Variants in PPIP5K2 observed in about 807,000 individuals in gnomAD.
PPIP5K2 encodes the protein diphosphoinositol pentakisphosphate kinase 2, also known as inositol hexakisphosphate and diphosphoinositol-pentakisphosphate kinase 2.
Under a neutral mutation model 154.6 loss-of-function variants are expected in PPIP5K2, and 105 were observed. The observed-to-expected ratio is 0.68, with a 90% CI of 0.58 to 0.80. The LOEUF (loss-of-function observed/expected upper bound fraction) is 0.80. Ranked by LOEUF, PPIP5K2 falls within the 30% of genes least tolerant of loss-of-function variation. The probability of loss-of-function intolerance (pLI) is 0.00; values close to 1 mark genes in which losing one functional copy is unlikely to be tolerated. For synonymous variants in PPIP5K2, 480 were observed against 490.3 expected (o/e 0.98, Z 0.28); for missense variants, 992 against 1,504.6 (o/e 0.66, Z 5.64).
intron 21 of PPIP5K2, chr5:103,176,764 T>G: frequency 1.7e-6 from 1 of 580,636 alleles, no homozygotes; most frequent in Non-Finnish European, 2.9e-6. Context: ...TTACTTTGAG[T>G]AGTTTTGCCT....
At chr5:103,167,401 G>C in intron 18 of PPIP5K2, 81 bp downstream of exon 18, 1 of 1,209,428 alleles carries the variant, frequency 8.3e-7, no homozygotes, top group Non-Finnish European at 1.1e-6. Flanking sequence ...CACCAATCTT[G>C]TTGTAAGAAA....
At chr5:103,194,553 T>G (rs1430217365) in intron 29 of PPIP5K2, among the ~76,000 whole-genome samples, 3 of 152,176 alleles carry the variant, frequency 2.0e-5, no homozygotes, top group Non-Finnish European at 2.9e-5. Flanking sequence ...GGATTACTGA[T>G]TCTGTTACCA....
chr5:103,149,886 G>A (rs1794360048), intron 8 of PPIP5K2, among the ~76,000 whole-genome samples: 1 of 151,588 alleles, frequency 6.6e-6, no homozygotes, highest in Non-Finnish European at 1.5e-5. Context: ...TAGTAGAGAG[G>A]GGGTTTCTCC....
intron 4 of PPIP5K2, 57 bp downstream of exon 4, chr5:103,136,879 T>A: frequency 8.4e-7 from 1 of 1,194,768 alleles, no homozygotes; most frequent in Non-Finnish European, 1.2e-6. Context: ...ATTTAGTACC[T>A]ACTGTACACT....
chr5:103,148,095 GTAGT>G, intron 7 of PPIP5K2, 63 bp downstream of exon 7: 1 of 1,171,410 alleles, frequency 8.5e-7, no homozygotes, highest in Non-Finnish European at 1.3e-6. Context: ...ATCAGAAAAA[GTAGT>G]TAATCTTTAG....
intron 21 of PPIP5K2, among the ~76,000 whole-genome samples, chr5:103,175,024 C>T (rs1798495021): frequency 6.6e-6 from 1 of 152,068 alleles, no homozygotes; most frequent in Non-Finnish European, 1.5e-5. Flanking sequence ...AATCAGTCAT[C>T]TCTAAACTAG....
At position 103,129,380 on chromosome 5, in the gene PPIP5K2, T is replaced by G; in HGVS notation, c.-210T>G. On this transcript the variant is annotated 5_prime_UTR_variant, in exon 2 of 31. Transcript: ENST00000358359. ...TGTATTTTGAATTGCAACAACAACT[T>G]TGATATCAACAATGAAGCAATGATA... The G allele has an allele frequency of 3.0e-6, 1 of 328,476 alleles. No individual in the cohort carries two copies. The highest frequency in any genetic ancestry group is 5.5e-6 in the Non-Finnish European group (1 of 180,824). The allele number at this position is 328,476 out of a possible 1,614,324, so 20.3% of individuals were successfully genotyped here.
At chr5:103,142,962 A>G (rs1183380231) in intron 5 of PPIP5K2, among the ~76,000 whole-genome samples, 2 of 152,188 alleles carry the variant, frequency 1.3e-5, no homozygotes, top group African/African-American at 4.8e-5. Flanking sequence ...TTACGAGTAT[A>G]GAAACATAAA....
At chr5:103,154,038 T>C in intron 11 of PPIP5K2, 104 bp downstream of exon 11, 1 of 781,988 alleles carries the variant, frequency 1.3e-6, no homozygotes, top group East Asian at 3.1e-5. Context: ...AACTTTTATC[T>C]ACTGTCTCTT....
intron 21 of PPIP5K2, among the ~76,000 whole-genome samples, chr5:103,176,477 G>GCA (rs1480201622): frequency 2.6e-5 from 4 of 151,390 alleles, no homozygotes; most frequent in Non-Finnish European, 4.4e-5. Flanking sequence ...ATGCATGTGC[G>GCA]CACACACACA....
chr5:103,147,445 G>A, intron 6 of PPIP5K2, among the ~76,000 whole-genome samples: 1 of 151,912 alleles, frequency 6.6e-6, no homozygotes, highest in Non-Finnish European at 1.5e-5. Flanking sequence ...AGTTGCATAT[G>A]AGCACATTCT....
chr5:103,141,498 C>T (rs1161411338), intron 5 of PPIP5K2, among the ~76,000 whole-genome samples: 4 of 152,174 alleles, frequency 2.6e-5, no homozygotes, highest in African/African-American at 9.7e-5. Flanking sequence ...CTTTTATTCT[C>T]TTATCTGGCC....
Position 103,151,507 on chromosome 5 carries a change from A to G in PPIP5K2, c.1028+133A>G, listed in dbSNP as rs1005193599. 3.7e-5 allele frequency: 25 copies of G among 681,718 alleles called. No individual in the cohort carries two copies. In the South Asian group the frequency reaches 5.0e-4, roughly 14 times the overall value. 42.2% of individuals were successfully genotyped at this position (681,718 alleles called of 1,614,324 possible). ...TCAGTGTTCATAAAATGATACCCCC[A>G]GAGACTATGCCAGATCCTGAATTAT... On this transcript the variant is annotated intron_variant, in intron 9 of 30. Transcript: ENST00000358359.
At position 103,148,038 on chromosome 5, in the gene PPIP5K2, A is replaced by G. The variant is rs1794018605; in HGVS notation, c.744+6A>G. On this transcript the variant is annotated splice_donor_region_variant and intron_variant, in intron 7 of 30. Coordinates refer to ENST00000358359, the MANE Select transcript of PPIP5K2 (RefSeq NM_001276277.3). ...CAGATGGTACTGATGTTAAGGTAGGATTGATTAAAATAGATTTTAGTTTTA... is the reference window on the plus strand; with the variant it reads ...CAGATGGTACTGATGTTAAGGTAGGGTTGATTAAAATAGATTTTAGTTTTA... 6.6e-7 allele frequency: 1 copy of G among 1,519,276 alleles called. No homozygotes were observed. The highest frequency in any genetic ancestry group is 1.9e-5 in the Admixed American group (1 of 52,488). The allele number at this position is 1,519,276 out of a possible 1,614,324, so 94.1% of individuals were successfully genotyped here.
In PPIP5K2 at chr5:103,166,243, T is replaced by C. The variant is rs2149664714; in HGVS notation, c.1921-936T>C. Among the ~76,000 whole-genome samples the C allele has an allele frequency of 2.0e-5, 3 of 152,156 alleles. 1 individual carries two copies. In the South Asian group the frequency reaches 6.2e-4, roughly 32 times the overall value. The stretch of plus-strand genomic sequence containing the variant: ...GCTAAAAAGCAATAACATCTGCTTA[T>C]TATGAGATTGTTTTGAGAGAGTTAG... On this transcript the variant is annotated intron_variant, in intron 17 of 30. Coordinates refer to ENST00000358359, the MANE Select transcript of PPIP5K2 (RefSeq NM_001276277.3).
At position 103,202,456 on chromosome 5, in the gene PPIP5K2, G is replaced by C. The variant is rs1803159304; in HGVS notation, c.*822G>C. The C allele has an allele frequency of 6.6e-6, 1 of 152,074 alleles. No homozygotes were observed. The allele number at this position is 152,074 out of a possible 1,614,324, so 9.4% of individuals were successfully genotyped here. A position where few individuals can be genotyped will look rare whatever the true frequency, so the allele number is the denominator to read the frequency against. On this transcript the variant is annotated 3_prime_UTR_variant, in exon 31 of 31. Transcript: ENST00000358359. Reference sequence around the variant, plus strand: ...TTTCAGAGTTCTTTTTAGATCTAAAGAAGTCAGTTCAAAAATGGAAATCAA... The same window carrying C: ...TTTCAGAGTTCTTTTTAGATCTAAACAAGTCAGTTCAAAAATGGAAATCAA...
intron 17 of PPIP5K2, among the ~76,000 whole-genome samples, chr5:103,164,185 T>C (rs1554217001): frequency 6.6e-6 from 1 of 151,954 alleles, no homozygotes; most frequent in African/African-American, 2.4e-5. Flanking sequence ...CATAATTTCT[T>C]TGTAATTTGT....
At chr5:103,120,715 C>T in intron 1 of PPIP5K2, 2 of 321,706 alleles carry the variant, frequency 6.2e-6, no homozygotes, top group Non-Finnish European at 1.3e-5. Context: ...CATGGCTTCC[C>T]TTTTTCATTT....
At position 103,209,676 on chromosome 5, in the gene PPIP5K2, C is replaced by T. The variant is rs1166700975; in HGVS notation, c.*8042C>T. ...TATGCCTTCAGAAAGTTTTTTGCTGCTTTTAAAAGCCATAGATTTGTCTTA... is the reference window on the plus strand; with the variant it reads ...TATGCCTTCAGAAAGTTTTTTGCTGTTTTTAAAAGCCATAGATTTGTCTTA... On this transcript the variant is annotated 3_prime_UTR_variant, in exon 31 of 31. Transcript: ENST00000358359. 2 of 151,900 alleles carry T rather than the reference C, an allele frequency of 1.3e-5. No homozygotes were observed. The highest frequency in any genetic ancestry group is 2.9e-5 in the Non-Finnish European group (2 of 67,972). The allele number at this position is 151,900 out of a possible 1,614,324, so 9.4% of individuals were successfully genotyped here.
Sources: allele counts gnomAD v4.1 joint callset (sites outside exome capture counted in the v4.1 genomes callset), GRCh38; gene constraint gnomAD v4.1.1; transcripts MANE v1.5; gene names NCBI Gene and HGNC (gene_info 2026-07-23, HGNC 2026-07-21).